Variants in ATP1B3 observed in about 807,000 individuals in gnomAD.
ATP1B3 encodes the protein ATPase Na+/K+ transporting subunit beta 3.
In ATP1B3, 10 loss-of-function variants were observed where a neutral mutation model predicts 30.2. The ratio of observed to expected loss-of-function variants is 0.33; its 90% CI spans 0.20 to 0.56. The LOEUF (loss-of-function observed/expected upper bound fraction) is 0.56, where lower values mean the gene tolerates loss of function less well. Ranked by LOEUF, ATP1B3 falls within the 20% of genes least tolerant of loss-of-function variation. The pLI is 0.90. For missense variants in ATP1B3, 238 were observed against 336.7 expected (o/e 0.71, Z 2.29); for synonymous variants, 113 against 117.0 (o/e 0.97, Z 0.22).
chr3:141,910,947 T>C (rs1934348414), intron 3 of ATP1B3, among the ~76,000 whole-genome samples: 1 of 152,158 alleles, frequency 6.6e-6, no homozygotes, highest in South Asian at 2.1e-4. Context: ...TTTATCTCCA[T>C]ATAGAACTCA....
chr3:141,917,773 T>C (rs1416379554), intron 5 of ATP1B3, among the ~76,000 whole-genome samples: 1 of 148,472 alleles, frequency 6.7e-6, no homozygotes, highest in African/African-American at 2.5e-5. Context: ...TTTATTTTAT[T>C]TTTTTTTTTT....
intron 1 of ATP1B3, among the ~76,000 whole-genome samples, chr3:141,882,613 C>T (rs566184223): frequency 1.1e-3 from 169 of 152,220 alleles, no homozygotes; most frequent in African/African-American, 4.0e-3. Context: ...GATAGAGTTT[C>T]GCTCTTGTTG....
At chr3:141,880,527 T>A (rs1933701868) in intron 1 of ATP1B3, among the ~76,000 whole-genome samples, 1 of 152,158 alleles carries the variant, frequency 6.6e-6, no homozygotes, top group African/African-American at 2.4e-5. Context: ...TGAATACAAT[T>A]AGAGTCAAAT....
intron 1 of ATP1B3, 151 bp downstream of exon 1, chr3:141,877,061 C>A: frequency 2.3e-6 from 1 of 426,912 alleles, no homozygotes; most frequent in African/African-American, 2.1e-5. Context: ...CGCAGTGCGG[C>A]CCCATTCATT....
chr3:141,919,434 T>TA (rs1934526605), intron 5 of ATP1B3, among the ~76,000 whole-genome samples: 1 of 152,214 alleles, frequency 6.6e-6, no homozygotes. Context: ...CCTTTTATAT[T>TA]ATCAACTTAA....
At chr3:141,910,449 G>A (rs1406406607) in intron 3 of ATP1B3, among the ~76,000 whole-genome samples, 1 of 151,448 alleles carries the variant, frequency 6.6e-6, no homozygotes, top group African/African-American at 2.4e-5. Flanking sequence ...CATTTTCTTA[G>A]TTCACATGTC....
At chr3:141,892,670 A>G (rs1933978481) in intron 1 of ATP1B3, among the ~76,000 whole-genome samples, 1 of 141,292 alleles carries the variant, frequency 7.1e-6, no homozygotes, top group East Asian at 2.1e-4. Context: ...AAAAAAAAAA[A>G]AAAAAACAGT....
intron 5 of ATP1B3, 94 bp from the exon 6 acceptor site, chr3:141,921,883 A>G (rs1934568842): frequency 4.7e-6 from 3 of 642,110 alleles, no homozygotes; most frequent in Non-Finnish European, 7.8e-6. Flanking sequence ...AGTTTCTGCA[A>G]ACTGTTCATG....
chr3:141,890,093 T>C lies in ATP1B3; in HGVS notation c.109+13183T>C, dbSNP rs58138086. On this transcript the variant is annotated intron_variant, in intron 1 of 6. Coordinates refer to ENST00000286371, the MANE Select transcript of ATP1B3 (RefSeq NM_001679.4). ...TGTAATCTAATTTTTTTTCTTTTTTTTTTTTTTTTTTTTTTGAGACAGAGT... is the reference window on the plus strand; with the variant it reads ...TGTAATCTAATTTTTTTTCTTTTTTCTTTTTTTTTTTTTTTGAGACAGAGT... Among the ~76,000 whole-genome samples the C allele has an allele frequency of 9.5e-3, 567 of 59,794 alleles. 4 individuals carry two copies. Among genetic ancestry groups the C allele is most frequent in the East Asian group, 0.019 (30 of 1,590 alleles). The allele number at this position is 59,794 out of a possible 152,430, so 39.2% of individuals were successfully genotyped here. A position where few individuals can be genotyped will look rare whatever the true frequency, so the allele number is the denominator to read the frequency against.
At position 141,925,658 on chromosome 3, in the gene ATP1B3, A is replaced by C. The variant is rs1934645805; in HGVS notation, c.797A>C (p.Lys266Thr). The change falls in exon 7 of 7, where the codon AAG (lysine) becomes ACG (threonine). Residue 266 changes from lysine to threonine, a missense_variant. This residue lies in a region of ATP1B3 where 50 missense variants were observed against 62.3 expected (regional missense o/e 0.80). Transcript: ENST00000286371. ...ANLKSQDDRD[K>T]FLGRVMFKIT... ...CTAAAAAGTCAGGATGATCGTGACA[A>C]GTTTTTGGGACGAGTTATGTTCAAA... 6.2e-7 allele frequency: 1 copy of C among 1,612,690 alleles called. No individual in the cohort carries two copies. The highest frequency in any genetic ancestry group is 8.5e-7 in the Non-Finnish European group (1 of 1,179,860).
intron 1 of ATP1B3, among the ~76,000 whole-genome samples, chr3:141,898,818 A>C (rs1934113792): frequency 6.6e-6 from 1 of 152,252 alleles, no homozygotes; most frequent in Admixed American, 6.5e-5. Flanking sequence ...TGGCCAAAAG[A>C]TATAAACAAC....
chr3:141,902,966 C>T (rs942869592), intron 1 of ATP1B3: 2 of 152,140 alleles, frequency 1.3e-5, no homozygotes, highest in Admixed American at 1.3e-4. Context: ...CATCCTTGCA[C>T]AAGGGCCATG....
chr3:141,895,790 T>A (rs941615854), intron 1 of ATP1B3, among the ~76,000 whole-genome samples: 1 of 152,182 alleles, frequency 6.6e-6, no homozygotes, highest in African/African-American at 2.4e-5. Context: ...GTCAAACTTT[T>A]CTTTTTCTTT....
At position 141,876,885 on chromosome 3, in the gene ATP1B3, C is replaced by T. The variant is rs1933605328; in HGVS notation, c.84C>T (p.Phe28=). 1 of 1,580,756 alleles carries T rather than the reference C, an allele frequency of 6.3e-7. No homozygotes were observed. The highest frequency in any genetic ancestry group is 1.1e-5 in the South Asian group (1 of 88,760). ...LFIYNPTTGE[F]LGRTAKSWGL... is the part of the protein sequence containing the mutation. Reference sequence around the variant, plus strand: ...TCTACAACCCGACCACCGGAGAATTCCTGGGGCGCACCGCCAAGAGCTGGG... The same window carrying T: ...TCTACAACCCGACCACCGGAGAATTTCTGGGGCGCACCGCCAAGAGCTGGG... The change falls in exon 1 of 7, where the codon TTC becomes TTT. Residue 28 remains phenylalanine (F), a synonymous_variant. Coordinates refer to ENST00000286371, the MANE Select transcript of ATP1B3 (RefSeq NM_001679.4).
At chr3:141,886,520 T>C (rs1294135656) in intron 1 of ATP1B3, among the ~76,000 whole-genome samples, 1 of 152,174 alleles carries the variant, frequency 6.6e-6, no homozygotes, top group Non-Finnish European at 1.5e-5. Context: ...TTTTAAAGTT[T>C]CCAGATAGGG....
intron 1 of ATP1B3, among the ~76,000 whole-genome samples, chr3:141,883,288 A>G (rs1161481130): frequency 6.6e-6 from 1 of 152,152 alleles, no homozygotes; most frequent in Non-Finnish European, 1.5e-5. Context: ...AGGAGTTAGA[A>G]ATCAGCCTGG....
intron 3 of ATP1B3, among the ~76,000 whole-genome samples, chr3:141,907,973 CT>C (rs34496773): frequency 0.12 from 16,212 of 137,562 alleles, 1,078 homozygotes; most frequent in Middle Eastern, 0.18. Flanking sequence ...TATTTTATTT[CT>C]TTTTTTTTGT....
At chr3:141,883,790 T>C (rs1438986559) in intron 1 of ATP1B3, among the ~76,000 whole-genome samples, 2 of 152,218 alleles carry the variant, frequency 1.3e-5, no homozygotes, top group African/African-American at 2.4e-5. Flanking sequence ...GGTGTACCCA[T>C]AGTATAATTG....
At position 141,913,686 on chromosome 3, in the gene ATP1B3, C is replaced by G. The variant is rs773796863; in HGVS notation, c.381C>G (p.Val127=). 1 of 1,612,964 alleles carries G rather than the reference C, an allele frequency of 6.2e-7. No individual in the cohort carries two copies. Among genetic ancestry groups the G allele is most frequent in the South Asian group, 1.1e-5 (1 of 90,936 alleles). Residue 127 remains valine, a synonymous_variant, in exon 4 of 7, where the codon GTC becomes GTG. Transcript: ENST00000286371. ...TAGAAGAACAGAAGAACCTCACAGTCTGTCCTGATGGAGCACTTTTTGAAC... is the reference window on the plus strand; with the variant it reads ...TAGAAGAACAGAAGAACCTCACAGTGTGTCCTGATGGAGCACTTTTTGAAC... ...YTLEEQKNLT[V]CPDGALFEQK... is the part of the protein sequence containing the mutation.
Sources: allele counts gnomAD v4.1 joint callset (sites outside exome capture counted in the v4.1 genomes callset), GRCh38; gene constraint gnomAD v4.1.1; regional missense constraint gnomAD v4.1.1; transcripts MANE v1.5; gene names NCBI Gene and HGNC (gene_info 2026-07-23, HGNC 2026-07-21).